DEPDC5: variants seen among roughly 807,000 people sequenced by gnomAD.
DEPDC5 encodes GATOR1 complex protein DEPDC5.
DEPDC5 carries 73 observed loss-of-function variants against 217.3 expected under a neutral mutation model. That is an observed-to-expected ratio of 0.34 (90% CI 0.28 to 0.41). The LOEUF (loss-of-function observed/expected upper bound fraction) is 0.41. DEPDC5 is among the 10% of genes least tolerant of loss of function. DEPDC5 has a pLI of 1.00. For missense variants in DEPDC5, 1,675 were observed against 2,070.1 expected, an observed-to-expected ratio of 0.81 and a Z score of 3.70; for synonymous variants, 733 against 756.7, an observed-to-expected ratio of 0.97 and a Z score of 0.51.
At chr22:31,809,699 G>T (rs776793756) in intron 19 of DEPDC5, 52 bp downstream of exon 19, 16 of 1,598,886 alleles carry the variant, frequency 1.0e-5, no homozygotes, top group Non-Finnish European at 1.3e-5. Context: ...GAGTCAGCTG[G>T]CTGGGTGCAG....
At chr22:31,755,427 T>G (rs1034057928) in intron 2 of DEPDC5, 3 of 180,668 alleles carry the variant, frequency 1.7e-5, no homozygotes, top group Non-Finnish European at 3.6e-5. Context: ...ATACAGCATG[T>G]TATTCTGCAC....
intron 27 of DEPDC5, among the ~76,000 whole-genome samples, chr22:31,841,154 A>G (rs1602333871): frequency 6.6e-6 from 1 of 152,356 alleles, no homozygotes; most frequent in Non-Finnish European, 1.5e-5. Context: ...TTGGTGCCCA[A>G]GATCACACAA....
At position 31,861,446 on chromosome 22, in the gene DEPDC5, C is replaced by T; in HGVS notation, c.3330+13C>T. 2 of 1,551,448 alleles carry T rather than the reference C, an allele frequency of 1.3e-6. No individual in the cohort carries two copies. The highest frequency in any genetic ancestry group is 1.7e-6 in the Non-Finnish European group (2 of 1,146,906). On this transcript the variant is annotated intron_variant, in intron 33 of 42. Transcript: ENST00000651528. The stretch of plus-strand genomic sequence containing the variant: ...CTTCTACCCTCAGGTTAGTCCAACT[C>T]CAGGGCTTCGCATGCCTGTCCCACT...
At chr22:31,810,840 A>T (rs943151790) in intron 20 of DEPDC5, among the ~76,000 whole-genome samples, 199 bp downstream of exon 20, 1 of 151,748 alleles carries the variant, frequency 6.6e-6, no homozygotes, top group Non-Finnish European at 1.5e-5. Context: ...CAATGGTGTG[A>T]TCTCGGCTCA....
At chr22:31,829,243 T>C (rs1353083860) in intron 24 of DEPDC5, among the ~76,000 whole-genome samples, 1 of 152,112 alleles carries the variant, frequency 6.6e-6, no homozygotes, top group Non-Finnish European at 1.5e-5. Flanking sequence ...CATTAAAAAA[T>C]CAGAGAAGAC....
At position 31,845,211 on chromosome 22, in the gene DEPDC5, C is replaced by A. The variant is rs375050296; in HGVS notation, c.2995C>A (p.Arg999=). Residue 999 remains arginine (R), a synonymous_variant, in exon 30 of 43, where the codon CGG becomes AGG. Coordinates refer to ENST00000651528, the MANE Select transcript of DEPDC5 (RefSeq NM_001242896.3). ...GGAGGGCTTGAATCGCATTCGCAGGCGGCATCGCTCGGATCGCATGATGCG... is the reference window on the plus strand; with the variant it reads ...GGAGGGCTTGAATCGCATTCGCAGGAGGCATCGCTCGGATCGCATGATGCG... ...FVEGLNRIRR[R]HRSDRMMRKG... is the part of the protein sequence containing the mutation. The A allele has an allele frequency of 1.2e-6, 2 of 1,613,966 alleles. No homozygotes were observed. The highest frequency in any genetic ancestry group is 1.7e-6 in the Non-Finnish European group (2 of 1,179,994).
chr22:31,776,969 A>T (rs11703801), intron 7 of DEPDC5, among the ~76,000 whole-genome samples: 3,916 of 143,422 alleles, frequency 0.027, 113 homozygotes, highest in Admixed American at 0.1. Context: ...AATTATTATT[A>T]TTTTTTTTTT....
intron 27 of DEPDC5, 45 bp from the exon 28 acceptor site, chr22:31,843,050 G>A: frequency 1.4e-6 from 2 of 1,438,382 alleles, no homozygotes; most frequent in Non-Finnish European, 1.9e-6. Flanking sequence ...TCTGTTATAG[G>A]AATGAGCTTC....
chr22:31,862,096 G>A (rs948664575), intron 33 of DEPDC5, among the ~76,000 whole-genome samples: 1 of 152,072 alleles, frequency 6.6e-6, no homozygotes, highest in African/African-American at 2.4e-5. Flanking sequence ...CAAAAAATTA[G>A]CTGGGCGTGG....
intron 24 of DEPDC5, among the ~76,000 whole-genome samples, chr22:31,831,468 A>T (rs2148904204): frequency 6.6e-6 from 1 of 152,066 alleles, no homozygotes; most frequent in Middle Eastern, 3.4e-3. Flanking sequence ...TTACTGATTT[A>T]TTTTTTTCAG....
intron 31 of DEPDC5, among the ~76,000 whole-genome samples, chr22:31,850,438 A>C (rs2091964968): frequency 6.6e-6 from 1 of 152,186 alleles, no homozygotes; most frequent in South Asian, 2.1e-4. Context: ...ATAATTGTTC[A>C]TTTATTATTA....
At chr22:31,789,663 GA>G (rs1436791006) in intron 10 of DEPDC5, among the ~76,000 whole-genome samples, 3 of 152,084 alleles carry the variant, frequency 2.0e-5, no homozygotes, top group African/African-American at 4.8e-5. Flanking sequence ...GATTTCACAT[GA>G]AAACATTTTG....
intron 7 of DEPDC5, among the ~76,000 whole-genome samples, chr22:31,773,353 C>A (rs2083520295): frequency 6.6e-6 from 1 of 151,912 alleles, no homozygotes; most frequent in African/African-American, 2.4e-5. Context: ...ATGCCTGGCT[C>A]TTTTTTTGTT....
intron 5 of DEPDC5, 28 bp from the exon 6 acceptor site, chr22:31,766,557 A>C: frequency 1.2e-6 from 2 of 1,603,378 alleles, no homozygotes; most frequent in Non-Finnish European, 1.7e-6. Flanking sequence ...AAGTAATGTC[A>C]GAGATATCAT....
At chr22:31,835,739 G>A (rs116614662) in intron 25 of DEPDC5, among the ~76,000 whole-genome samples, 2,284 of 152,220 alleles carry the variant, frequency 0.015, 53 homozygotes, top group African/African-American at 0.053. Context: ...TAGGCTATTC[G>A]GGCCTATGTT....
At chr22:31,900,981 G>A (rs1356697904) in intron 40 of DEPDC5, among the ~76,000 whole-genome samples, 3 of 152,210 alleles carry the variant, frequency 2.0e-5, no homozygotes, top group South Asian at 2.1e-4. Context: ...AGTGGCTCAC[G>A]CCTGTAATCC....
In DEPDC5 at chr22:31,838,795, C is replaced by G. The variant is rs746372266; in HGVS notation, c.2465C>G (p.Pro822Arg). The G allele has an allele frequency of 9.9e-6, 16 of 1,614,088 alleles. No homozygotes were observed. The highest frequency in any genetic ancestry group is 1.6e-4 in the Middle Eastern group (1 of 6,062). The change falls in exon 27 of 43, where the codon CCC (proline) becomes CGC (arginine). Residue 822 changes from proline (P) to arginine (R), a missense_variant. Around this residue, in one of 11 missense-constraint regions of DEPDC5, gnomAD observed 293 missense variants for 386.1 expected, o/e 0.76. Coordinates refer to ENST00000651528, the MANE Select transcript of DEPDC5 (RefSeq NM_001242896.3). ...ATAGTGCAGCCCAAGACACAGAAAC[C>G]CAATCCTGCTGTCCCGCCCCCGCTG... ...QIIVQPKTQK[P>R]NPAVPPPLSS...
At position 31,887,463 on chromosome 22, in the gene DEPDC5, A is replaced by G. The variant is rs892121028; in HGVS notation, c.4034-6119A>G. On this transcript the variant is annotated intron_variant, in intron 38 of 42. Coordinates refer to ENST00000651528, the MANE Select transcript of DEPDC5 (RefSeq NM_001242896.3). Reference sequence around the variant, plus strand: ...AAGAGAAAAGTCATATGTCCAAAAAATAGGGAGATTTGGGAAGAAGAGAGG... The same window carrying G: ...AAGAGAAAAGTCATATGTCCAAAAAGTAGGGAGATTTGGGAAGAAGAGAGG... Among the ~76,000 whole-genome samples, 3 of 150,502 alleles carry G rather than the reference A, an allele frequency of 2.0e-5. No individual in the cohort carries two copies. The East Asian group carries it at 5.8e-4, about 29-fold the overall frequency.
chr22:31,808,642 G>A (rs1314883671), intron 18 of DEPDC5, among the ~76,000 whole-genome samples: 1 of 151,656 alleles, frequency 6.6e-6, no homozygotes, highest in East Asian at 1.9e-4. Flanking sequence ...CACCATGTTG[G>A]CCAGGCTGGT....
Sources: gnomAD v4.1 joint callset for allele counts (sites outside exome capture counted in the v4.1 genomes callset) on GRCh38, gnomAD v4.1.1 for gene constraint, gnomAD v4.1.1 regional missense constraint, MANE v1.5 for transcripts, NCBI Gene and HGNC (gene_info 2026-07-23, HGNC 2026-07-21) for gene names.